PTPRM: variants seen among roughly 807,000 people sequenced by gnomAD.
PTPRM encodes receptor-type tyrosine-protein phosphatase mu.
PTPRM carries 47 observed loss-of-function variants against 186.7 expected under a neutral mutation model. That is an observed-to-expected ratio of 0.25 (90% confidence interval 0.20 to 0.32). The LOEUF is 0.32. Ranked by LOEUF, PTPRM falls within the 10% of genes least tolerant of loss-of-function variation. The pLI, the probability that PTPRM is intolerant of heterozygous loss-of-function variation, is 1.00. For missense variants in PTPRM, 1,494 were observed against 1,865.0 expected, an observed-to-expected ratio of 0.80 and a Z score of 3.66; for synonymous variants, 668 against 674.9, an observed-to-expected ratio of 0.99 and a Z score of 0.16.
intron 1 of PTPRM, among the ~76,000 whole-genome samples, chr18:7,648,663 A>G (rs941647106): frequency 2.0e-5 from 3 of 152,166 alleles, no homozygotes; most frequent in African/African-American, 7.2e-5. Flanking sequence ...CAAGGCCCTA[A>G]CTCTCTTCAA....
chr18:8,264,567 G>A (rs1018750462), intron 19 of PTPRM, among the ~76,000 whole-genome samples: 12 of 151,932 alleles, frequency 7.9e-5, no homozygotes, highest in Non-Finnish European at 2.9e-5. Context: ...TCAGGAGATC[G>A]AGACCATCCT....
chr18:8,327,520 C>G (rs967683236), intron 22 of PTPRM, among the ~76,000 whole-genome samples: 2 of 152,152 alleles, frequency 1.3e-5, no homozygotes, highest in East Asian at 1.9e-4. Context: ...AAAACATAAG[C>G]TCAGTAAGAA....
At chr18:7,623,407 A>G (rs1275708720) in intron 1 of PTPRM, among the ~76,000 whole-genome samples, 1 of 152,158 alleles carries the variant, frequency 6.6e-6, no homozygotes, top group African/African-American at 2.4e-5. Flanking sequence ...GCAGATTTCC[A>G]TGCACGTATA....
chr18:7,791,012 GTTTA>G (rs1235142856), intron 2 of PTPRM, among the ~76,000 whole-genome samples: 5 of 151,908 alleles, frequency 3.3e-5, no homozygotes, highest in East Asian at 1.9e-4. Flanking sequence ...AGTTTGTCAT[GTTTA>G]TTTATTTTTT....
intron 20 of PTPRM, among the ~76,000 whole-genome samples, chr18:8,299,456 A>G (rs904058954): frequency 7.2e-5 from 11 of 151,872 alleles, no homozygotes; most frequent in Non-Finnish European, 1.6e-4. Flanking sequence ...GCATGGTGGC[A>G]TGTGCCTGTA....
intron 23 of PTPRM, among the ~76,000 whole-genome samples, chr18:8,369,765 G>A (rs1009969580): frequency 3.9e-5 from 6 of 152,108 alleles, no homozygotes; most frequent in Non-Finnish European, 2.9e-5. Context: ...AGACCTGGCA[G>A]CATAGCAAGA....
chr18:7,908,759 C>G (rs2050121513), intron 4 of PTPRM, among the ~76,000 whole-genome samples: 1 of 152,178 alleles, frequency 6.6e-6, no homozygotes. Flanking sequence ...GGAAAACCAT[C>G]AAGGCTGTAC....
Position 8,243,592 on chromosome 18 carries a change from T to C in PTPRM, c.2301-466T>C, listed in dbSNP as rs565066693. Reference sequence around the variant, plus strand: ...TAGTTCTGTTCTTTAGTTTTAACAATGTGCCTTTTAGATTCATCTGTTATT... The same window carrying C: ...TAGTTCTGTTCTTTAGTTTTAACAACGTGCCTTTTAGATTCATCTGTTATT... On this transcript the variant is annotated intron_variant, in intron 14 of 32. Coordinates refer to ENST00000580170, the MANE Select transcript of PTPRM (RefSeq NM_001105244.2). Among the ~76,000 whole-genome samples the C allele has an allele frequency of 7.2e-5, 11 of 152,370 alleles. No homozygotes were observed. In the South Asian group the frequency reaches 2.3e-3, roughly 32 times the overall value.
intron 1 of PTPRM, among the ~76,000 whole-genome samples, chr18:7,764,040 C>G (rs2041907658): frequency 6.6e-6 from 1 of 151,534 alleles, no homozygotes; most frequent in Admixed American, 6.6e-5. Context: ...TTTTGAGTAA[C>G]TCTACTTAGG....
chr18:7,947,461 T>A (rs1033422266), intron 5 of PTPRM, among the ~76,000 whole-genome samples: 1 of 150,292 alleles, frequency 6.7e-6, no homozygotes, highest in African/African-American at 2.5e-5. Flanking sequence ...TTGCATAGTA[T>A]AAATCACTGG....
intron 23 of PTPRM, among the ~76,000 whole-genome samples, chr18:8,364,246 T>C (rs2095614071): frequency 6.6e-6 from 1 of 152,158 alleles, no homozygotes; most frequent in South Asian, 2.1e-4. Flanking sequence ...TCATCTAATC[T>C]TCACACCCTC....
At chr18:7,985,660 A>ATATATG (rs1195586920) in intron 7 of PTPRM, among the ~76,000 whole-genome samples, 9 of 150,510 alleles carry the variant, frequency 6.0e-5, no homozygotes, top group Admixed American at 4.0e-4. Flanking sequence ...GTAAATATAT[A>ATATATG]TATATGTATA....
chr18:7,640,046 G>A (rs1049788427), intron 1 of PTPRM, among the ~76,000 whole-genome samples: 1 of 152,144 alleles, frequency 6.6e-6, no homozygotes, highest in Non-Finnish European at 1.5e-5. Context: ...TTTTAGGGGT[G>A]GAGATGGTCT....
At chr18:8,304,383 G>A (rs1269464458) in intron 20 of PTPRM, among the ~76,000 whole-genome samples, 1 of 152,108 alleles carries the variant, frequency 6.6e-6, no homozygotes, top group Non-Finnish European at 1.5e-5. Flanking sequence ...GAAAACCTCA[G>A]CGGATTATAA....
chr18:8,190,256 A>G (rs1601112684), intron 14 of PTPRM, among the ~76,000 whole-genome samples: 1 of 152,178 alleles, frequency 6.6e-6, no homozygotes, highest in Non-Finnish European at 1.5e-5. Context: ...GTGTCCTTTG[A>G]CCAACATCAT....
intron 23 of PTPRM, among the ~76,000 whole-genome samples, chr18:8,364,411 T>C (rs2095615455): frequency 6.6e-6 from 1 of 152,194 alleles, no homozygotes; most frequent in South Asian, 2.1e-4. Context: ...AAAATCCATG[T>C]GCATCTTACT....
At chr18:8,253,516 C>A in intron 19 of PTPRM, 102 bp downstream of exon 19, 2 of 1,091,230 alleles carry the variant, frequency 1.8e-6, no homozygotes, top group South Asian at 3.1e-5. Flanking sequence ...AACCCCCTGC[C>A]CCGAGAGATG....
chr18:8,351,394 C>T (rs762923995), intron 23 of PTPRM, among the ~76,000 whole-genome samples: 3 of 152,190 alleles, frequency 2.0e-5, no homozygotes, highest in Non-Finnish European at 4.4e-5. Flanking sequence ...TGCACTAATA[C>T]CCTTCTGTGT....
intron 7 of PTPRM, among the ~76,000 whole-genome samples, chr18:8,068,351 G>A (rs1417425458): frequency 2.0e-5 from 3 of 152,100 alleles, no homozygotes; most frequent in African/African-American, 2.4e-5. Flanking sequence ...AAACATTTTA[G>A]GTTAGGCTTT....
Sources: allele counts gnomAD v4.1 joint callset (sites outside exome capture counted in the v4.1 genomes callset), GRCh38; gene constraint gnomAD v4.1.1; transcripts MANE v1.5; gene names NCBI Gene and HGNC (gene_info 2026-07-23, HGNC 2026-07-21).